The following TNR variants were observed in gnomAD, a reference collection of about 807,000 sequenced individuals.
TNR encodes the protein tenascin-R.
A neutral mutation model predicts 150.4 loss-of-function variants in TNR; 45 were observed. That is an observed-to-expected ratio of 0.30 (90% CI 0.24 to 0.38). The LOEUF (loss-of-function observed/expected upper bound fraction) is 0.38. Among genes scored for constraint, TNR ranks in the 10% least tolerant of loss-of-function variants. The pLI is 1.00. For missense variants in TNR, 1,544 were observed against 1,759.1 expected (o/e 0.88, Z 2.19); for synonymous variants, 687 against 678.4 (o/e 1.01, Z -0.20).
At chr1:175,385,898 G>A (rs1161537818) in intron 8 of TNR, 134 bp downstream of exon 8, 7 of 1,004,902 alleles carry the variant, frequency 7.0e-6, no homozygotes, top group Non-Finnish European at 9.8e-6. Flanking sequence ...CTTCCTTCTC[G>A]CGGTGTCTAT....
At chr1:175,501,715 T>C (rs1658748019) in intron 2 of TNR, among the ~76,000 whole-genome samples, 1 of 152,236 alleles carries the variant, frequency 6.6e-6, no homozygotes, top group Non-Finnish European at 1.5e-5. Flanking sequence ...CCTTTCTTCT[T>C]TCCTTTCTTG....
At chr1:175,559,344 A>G (rs2102208373) in intron 1 of TNR, among the ~76,000 whole-genome samples, 1 of 152,308 alleles carries the variant, frequency 6.6e-6, no homozygotes, top group African/African-American at 2.4e-5. Flanking sequence ...CCTCCCTCAA[A>G]ATGCATTATT....
At chr1:175,397,856 A>G (rs1291733998) in intron 4 of TNR, among the ~76,000 whole-genome samples, 2 of 152,258 alleles carry the variant, frequency 1.3e-5, no homozygotes, top group African/African-American at 2.4e-5. Flanking sequence ...TGTTGTGGCC[A>G]TTAAATAATC....
chr1:175,507,744 A>C (rs1193064728), intron 2 of TNR, among the ~76,000 whole-genome samples: 1 of 152,190 alleles, frequency 6.6e-6, no homozygotes, highest in African/African-American at 2.4e-5. Flanking sequence ...AAATACTTCT[A>C]TTAAAATACT....
At chr1:175,340,525 T>C (rs1426166267) in intron 18 of TNR, among the ~76,000 whole-genome samples, 1 of 152,212 alleles carries the variant, frequency 6.6e-6, no homozygotes, top group East Asian at 1.9e-4. Context: ...ATTATTCCTT[T>C]TTTTGCAGAC....
At chr1:175,458,115 G>C (rs1363244708) in intron 2 of TNR, among the ~76,000 whole-genome samples, 1 of 152,234 alleles carries the variant, frequency 6.6e-6, no homozygotes, top group Non-Finnish European at 1.5e-5. Flanking sequence ...ACAGAGCCTG[G>C]TGCAGAGCTC....
At chr1:175,580,932 G>A (rs530243534) in intron 1 of TNR, among the ~76,000 whole-genome samples, 2 of 152,294 alleles carry the variant, frequency 1.3e-5, no homozygotes, top group East Asian at 1.9e-4. Context: ...GTTGTCAGGG[G>A]GTGGGGGATG....
At chr1:175,714,237 C>T (rs1667093944) in intron 1 of TNR, among the ~76,000 whole-genome samples, 1 of 152,078 alleles carries the variant, frequency 6.6e-6, no homozygotes, top group Admixed American at 6.5e-5. Context: ...CTCTTCCACA[C>T]CCATGCTTTC....
intron 3 of TNR, among the ~76,000 whole-genome samples, chr1:175,404,642 C>T (rs1246834943): frequency 6.6e-6 from 1 of 152,172 alleles, no homozygotes; most frequent in Non-Finnish European, 1.5e-5. Context: ...ATATACTTTA[C>T]TGACATTATT....
At chr1:175,474,424 C>A (rs1657453800) in intron 2 of TNR, among the ~76,000 whole-genome samples, 1 of 152,130 alleles carries the variant, frequency 6.6e-6, no homozygotes, top group Non-Finnish European at 1.5e-5. Context: ...AGCAGAGAGG[C>A]CTCAGAGAGG....
At chr1:175,470,253 T>G (rs1346638548) in intron 2 of TNR, among the ~76,000 whole-genome samples, 2 of 152,066 alleles carry the variant, frequency 1.3e-5, no homozygotes, top group Non-Finnish European at 2.9e-5. Flanking sequence ...TGGAATGGAT[T>G]AGATCATTGA....
At chr1:175,639,429 C>T (rs185737314) in intron 1 of TNR, among the ~76,000 whole-genome samples, 114 of 152,338 alleles carry the variant, frequency 7.5e-4, no homozygotes, top group African/African-American at 2.3e-3. Context: ...AAATCCACCA[C>T]GGCGTGCTGA....
At chr1:175,738,139 C>T (rs1417868619) in intron 1 of TNR, among the ~76,000 whole-genome samples, 2 of 152,122 alleles carry the variant, frequency 1.3e-5, no homozygotes, top group African/African-American at 2.4e-5. Context: ...CCTGCTTGAA[C>T]GTCATAGGGA....
intron 3 of TNR, among the ~76,000 whole-genome samples, chr1:175,404,618 C>T (rs1653866699): frequency 6.6e-6 from 1 of 152,186 alleles, no homozygotes; most frequent in African/African-American, 2.4e-5. Context: ...CCACTTCATG[C>T]CGCCCCCATG....
At chr1:175,543,440 C>T (rs1164263378) in intron 1 of TNR, among the ~76,000 whole-genome samples, 1 of 152,150 alleles carries the variant, frequency 6.6e-6, no homozygotes, top group African/African-American at 2.4e-5. Context: ...AGTCCTCCAG[C>T]ATAGGAAGGG....
chr1:175,322,488 G>C lies in TNR; in HGVS notation c.*869C>G, dbSNP rs1392135112. The C allele has an allele frequency of 6.6e-6, 1 of 152,194 alleles. No individual in the cohort carries two copies. The highest frequency in any genetic ancestry group is 1.5e-5 in the Non-Finnish European group (1 of 68,046). The allele number at this position is 152,194 out of a possible 1,614,324, so 9.4% of individuals were successfully genotyped here. A position where few individuals can be genotyped will look rare whatever the true frequency, so the allele number is the denominator to read the frequency against. On this transcript the variant is annotated 3_prime_UTR_variant, in exon 23 of 23. Coordinates refer to ENST00000367674, the MANE Select transcript of TNR (RefSeq NM_003285.3). ...ATGAGAATCTTTGGCCCATTATAAA[G>C]GACTTGGGGCTGGATGCAGTGGCTG...
chr1:175,331,436 T>C (rs551935133), intron 20 of TNR, among the ~76,000 whole-genome samples: 1 of 152,040 alleles, frequency 6.6e-6, no homozygotes, highest in East Asian at 1.9e-4. Context: ...GCTCATTTTT[T>C]GTATTTTTAG....
intron 2 of TNR, among the ~76,000 whole-genome samples, chr1:175,476,504 G>A (rs1022494040): frequency 1.3e-5 from 2 of 152,120 alleles, no homozygotes; most frequent in Non-Finnish European, 2.9e-5. Context: ...AGTCTTCAGT[G>A]TCCTCTTGCT....
At chr1:175,354,619 G>C in intron 17 of TNR, 96 bp from the exon 18 acceptor site, 1 of 1,519,650 alleles carries the variant, frequency 6.6e-7, no homozygotes, top group South Asian at 1.2e-5. Context: ...TGGGCAGCTA[G>C]GTCAGTATTG....
Sources: allele counts gnomAD v4.1 joint callset (sites outside exome capture counted in the v4.1 genomes callset), GRCh38; gene constraint gnomAD v4.1.1; transcripts MANE v1.5; gene names NCBI Gene and HGNC (gene_info 2026-07-23, HGNC 2026-07-21).